Variants in ZNF483 observed in about 807,000 individuals in gnomAD.
The protein encoded by ZNF483 is zinc finger protein HIT-10.
A neutral mutation model predicts 28.6 loss-of-function variants in ZNF483; 9 were observed. The ratio of observed to expected loss-of-function variants is 0.32; its 90% CI spans 0.19 to 0.55. ZNF483 has a LOEUF of 0.55. Among genes scored for constraint, ZNF483 ranks in the 20% least tolerant of loss-of-function variants. ZNF483 has a pLI of 0.93. For synonymous variants in ZNF483, 322 were observed against 306.2 expected, an observed-to-expected ratio of 1.05 and a Z score of -0.54; for missense variants, 675 against 871.7, an observed-to-expected ratio of 0.77 and a Z score of 2.84.
At position 111,542,819 on chromosome 9, in the gene ZNF483, TC is replaced by T; in HGVS notation, c.1885del (p.His629IlefsTer22). 6.2e-7 allele frequency: 1 copy of T among 1,614,166 alleles called. No homozygotes were observed. The highest frequency in any genetic ancestry group is 8.5e-7 in the Non-Finnish European group (1 of 1,180,028). On this transcript the variant is annotated frameshift_variant, in exon 6 of 6. Transcript: ENST00000309235. LOFTEE classifies it low-confidence loss of function (END_TRUNC). This position sits in a 1 kb window ranked among gnomAD's most constrained non-coding sequence, Gnocchi z 6.2. The stretch of plus-strand genomic sequence containing the variant: ...CGTCTGTGATTTATCATCAAAGACT[TC>T]ATTCAGGAGAAAAACCCTACAAATG... ...FTSVIYHQRL[H>X]SGEKPYKCNQ... is the part of the protein sequence containing the mutation.
chr9:111,544,485 C>G lies in ZNF483; in HGVS notation c.*1315C>G. 1.9e-6 allele frequency: 1 copy of G among 537,540 alleles called. No individual in the cohort carries two copies. Among genetic ancestry groups the G allele is most frequent in the Non-Finnish European group, 2.4e-6 (1 of 420,122 alleles). The allele number at this position is 537,540 out of a possible 1,614,324, so 33.3% of individuals were successfully genotyped here. On this transcript the variant is annotated 3_prime_UTR_variant, in exon 6 of 6. Coordinates refer to ENST00000309235, the MANE Select transcript of ZNF483 (RefSeq NM_133464.5). ...TGGGCTTTTATTTATGTAAAGCACT[C>G]AGCTGGTCCTGGGTAGCAGCTGCCA...
intron 5 of ZNF483, chr9:111,576,240 G>C (rs1302576456): frequency 2.8e-5 from 25 of 879,978 alleles, no homozygotes; most frequent in Non-Finnish European, 4.3e-5. Context: ...AAAAATATTT[G>C]CAAGCCATAT....
chr9:111,543,497 A>G lies in ZNF483; in HGVS notation c.*327A>G. The G allele has an allele frequency of 9.7e-7, 1 of 1,035,794 alleles. No individual in the cohort carries two copies. The highest frequency in any genetic ancestry group is 1.2e-6 in the Non-Finnish European group (1 of 862,828). The allele number at this position is 1,035,794 out of a possible 1,614,324, so 64.2% of individuals were successfully genotyped here. A position where few individuals can be genotyped will look rare whatever the true frequency, so the allele number is the denominator to read the frequency against. On this transcript the variant is annotated 3_prime_UTR_variant, in exon 6 of 6. Transcript: ENST00000309235. Reference sequence around the variant, plus strand: ...ATGGAGAGAACTTGACTGCAGTCACATAACTTGGATTCTGTCCCAGTTTGC... The same window carrying G: ...ATGGAGAGAACTTGACTGCAGTCACGTAACTTGGATTCTGTCCCAGTTTGC...
intron 5 of ZNF483, chr9:111,569,914 G>A: frequency 5.7e-6 from 6 of 1,047,392 alleles, no homozygotes; most frequent in Non-Finnish European, 6.8e-6. Flanking sequence ...GGGTTGTTTT[G>A]TTTTCCTTTC....
chr9:111,530,380 T>A (rs1279848495), intron 2 of ZNF483, among the ~76,000 whole-genome samples: 1 of 152,116 alleles, frequency 6.6e-6, no homozygotes, highest in East Asian at 1.9e-4. Context: ...CCCTTTACAT[T>A]AAACCAGTAA....
chr9:111,561,084 AAT>A (rs368827456), intron 5 of ZNF483, among the ~76,000 whole-genome samples: 416 of 20,328 alleles, frequency 0.02, 37 homozygotes, highest in Non-Finnish European at 0.024. Flanking sequence ...CTCCATCTAA[AAT>A]ATATATATAT....
intron 2 of ZNF483, among the ~76,000 whole-genome samples, 188 bp from the exon 3 acceptor site, chr9:111,530,687 C>T (rs1238976933): frequency 6.9e-6 from 1 of 145,872 alleles, no homozygotes; most frequent in Non-Finnish European, 1.5e-5. Context: ...TCTGGAGTCA[C>T]AGAATTATTT....
chr9:111,529,158 C>G (rs112877084), intron 2 of ZNF483, among the ~76,000 whole-genome samples: 6,493 of 150,094 alleles, frequency 0.043, 193 homozygotes, highest in Non-Finnish European at 0.066. Flanking sequence ...AGATTGATTT[C>G]TAGGATTCTG....
At chr9:111,533,077 C>T (rs79867309) in intron 3 of ZNF483, among the ~76,000 whole-genome samples, 6,562 of 152,208 alleles carry the variant, frequency 0.043, 193 homozygotes, top group Non-Finnish European at 0.066. Context: ...AATGTAGTTG[C>T]AGATATTATT....
Position 111,541,793 on chromosome 9 carries a change from A to G in ZNF483, c.858A>G (p.Ala286=), listed in dbSNP as rs1273851843. 3 of 1,614,234 alleles carry G rather than the reference A, an allele frequency of 1.9e-6. No individual in the cohort carries two copies. The highest frequency in any genetic ancestry group is 4.5e-5 in the East Asian group (2 of 44,886). ...AGGGAAATTCAAAAGGAAGAGTCGC[A>G]CAAAACAAAACTCTTGGGAGTGGCA... ...GNQGNSKGRV[A]QNKTLGSGSR... Residue 286 remains alanine (A), a synonymous_variant, in exon 6 of 6, where the codon GCA becomes GCG. Transcript: ENST00000309235.
At chr9:111,556,392 C>T (rs1828122224), downstream of ZNF483, among the ~76,000 whole-genome samples, 1 of 152,212 alleles carries the variant, frequency 6.6e-6, no homozygotes, top group African/African-American at 2.4e-5. Context: ...AGGATGGTGG[C>T]CATCTTCTCA....
At position 111,548,308 on chromosome 9, in the gene ZNF483, G is replaced by A. The variant is rs567628114; in HGVS notation, c.*5138G>A. 5.3e-5 allele frequency among the ~76,000 whole-genome samples: 8 copies of A among 151,418 alleles called. No homozygotes were observed. The highest frequency in any genetic ancestry group is 1.3e-4 in the Admixed American group (2 of 15,254). On this transcript the variant is annotated 3_prime_UTR_variant, in exon 6 of 6. Transcript: ENST00000309235. ...AGGTGTCTTTCCATGTATTTGTGCC[G>A]TCTTTAATTTTTTCAGCAATGTGTT... is the stretch of plus-strand genomic sequence containing the variant.
intron 5 of ZNF483, among the ~76,000 whole-genome samples, chr9:111,540,759 C>A (rs1326277734): frequency 6.6e-6 from 1 of 152,078 alleles, no homozygotes; most frequent in African/African-American, 2.4e-5. Context: ...TATTTGTTTG[C>A]TTTGGGGAGA....
chr9:111,550,939 T>C lies in ZNF483; in HGVS notation c.*7769T>C, dbSNP rs1030675684. ...TTCACCTGTTTTCTGTCTCTCACAC[T>C]GGAGGCTTTCCTGAAGCCTCTGATG... On this transcript the variant is annotated 3_prime_UTR_variant, in exon 6 of 6. Transcript: ENST00000309235. 6.6e-6 allele frequency among the ~76,000 whole-genome samples: 1 copy of C among 152,222 alleles called. No homozygotes were observed. The highest frequency in any genetic ancestry group is 2.4e-5 in the African/African-American group (1 of 41,454).
At chr9:111,564,221 A>G in intron 5 of ZNF483, 1 of 1,080,608 alleles carries the variant, frequency 9.3e-7, no homozygotes, top group Non-Finnish European at 1.1e-6. Context: ...ATTTATAGAC[A>G]AGATTATTTG....
intron 5 of ZNF483, among the ~76,000 whole-genome samples, chr9:111,568,211 G>C (rs111379140): frequency 1.3e-5 from 2 of 152,280 alleles, no homozygotes; most frequent in African/African-American, 4.8e-5. Context: ...TGCAAGTAGG[G>C]AAGATATTGC....
chr9:111,525,805 G>A (rs1229351457), intron 1 of ZNF483, among the ~76,000 whole-genome samples: 1 of 152,078 alleles, frequency 6.6e-6, no homozygotes, highest in Non-Finnish European at 1.5e-5. Context: ...TACGTGGTGG[G>A]CGCCTAATAT....
In ZNF483 at chr9:111,548,774, G is replaced by A. The variant is rs143820791; in HGVS notation, c.*5604G>A. Among the ~76,000 whole-genome samples the A allele has an allele frequency of 3.8e-4, 56 of 148,340 alleles. No homozygotes were observed. Among genetic ancestry groups the A allele is most frequent in the African/African-American group, 1.3e-3 (54 of 40,652 alleles). On this transcript the variant is annotated 3_prime_UTR_variant, in exon 6 of 6. Coordinates refer to ENST00000309235, the MANE Select transcript of ZNF483 (RefSeq NM_133464.5). Reference sequence around the variant, plus strand: ...AATTTCCTTTTATTGATAAATTCTTGTTTGAAGGACAGTTTTGCTGTATAT... The same window carrying A: ...AATTTCCTTTTATTGATAAATTCTTATTTGAAGGACAGTTTTGCTGTATAT...
rs1203059571 is a variant in ZNF483 at position 111,546,424 on chromosome 9, C to T, written c.*3254C>T. ...ATTGCCTGCAGGACATTCAGTCTGG[C>T]CCATCACCCAAATATTTAAATTCAC... On this transcript the variant is annotated 3_prime_UTR_variant, in exon 6 of 6. Coordinates refer to ENST00000309235, the MANE Select transcript of ZNF483 (RefSeq NM_133464.5). Among the ~76,000 whole-genome samples, 1 of 152,082 alleles carries T rather than the reference C, an allele frequency of 6.6e-6. No individual in the cohort carries two copies. The highest frequency in any genetic ancestry group is 1.5e-5 in the Non-Finnish European group (1 of 67,978).
Sources: gnomAD v4.1 joint callset for allele counts (sites outside exome capture counted in the v4.1 genomes callset) on GRCh38, gnomAD v4.1.1 for gene constraint, Gnocchi (gnomAD v3.1) non-coding constraint, MANE v1.5 for transcripts, NCBI Gene and HGNC (gene_info 2026-07-23, HGNC 2026-07-21) for gene names.